The following NSMAF variants were observed in gnomAD, a reference collection of about 807,000 sequenced individuals.
NSMAF encodes protein FAN.
In NSMAF, 90 loss-of-function variants were observed where a neutral mutation model predicts 134.9. The ratio of observed to expected loss-of-function variants is 0.67; its 90% confidence interval spans 0.56 to 0.79. NSMAF has a LOEUF of 0.79. NSMAF is among the 30% of genes least tolerant of loss of function. NSMAF has a pLI of 0.00. For synonymous variants in NSMAF, 358 were observed against 389.6 expected, an observed-to-expected ratio of 0.92 and a Z score of 0.96; for missense variants, 1,010 against 1,119.0, an observed-to-expected ratio of 0.90 and a Z score of 1.39.
At chr8:58,658,091 T>TCATACAA (rs1807761932) in intron 1 of NSMAF, among the ~76,000 whole-genome samples, 7 of 152,206 alleles carry the variant, frequency 4.6e-5, no homozygotes, top group African/African-American at 1.7e-4. Context: ...ATGACTCATA[T>TCATACAA]CATACAACAT....
chr8:58,650,266 G>A (rs1269747768), intron 1 of NSMAF, among the ~76,000 whole-genome samples: 1 of 152,086 alleles, frequency 6.6e-6, no homozygotes, highest in Non-Finnish European at 1.5e-5. Context: ...GGGCAACTTT[G>A]GAAGTTTTTT....
intron 9 of NSMAF, among the ~76,000 whole-genome samples, chr8:58,618,876 G>T (rs571216894): frequency 2.8e-4 from 42 of 152,200 alleles, no homozygotes; most frequent in African/African-American, 8.9e-4. Flanking sequence ...TCTAGAGAAA[G>T]TATACAACAC....
chr8:58,644,568 G>A (rs1256588808), intron 1 of NSMAF, among the ~76,000 whole-genome samples: 1 of 152,200 alleles, frequency 6.6e-6, no homozygotes, highest in Admixed American at 6.5e-5. Flanking sequence ...GATTCCTCAA[G>A]GATCTAGAAC....
intron 9 of NSMAF, among the ~76,000 whole-genome samples, chr8:58,617,861 T>A (rs1806697783): frequency 6.6e-6 from 1 of 152,182 alleles, no homozygotes. Context: ...CACATGCACA[T>A]GTACGTTTAT....
chr8:58,656,415 C>A (rs1807712388), intron 1 of NSMAF, among the ~76,000 whole-genome samples: 2 of 152,212 alleles, frequency 1.3e-5, no homozygotes, highest in South Asian at 4.1e-4. Context: ...CAATAAATGG[C>A]ACCACTTTAT....
At chr8:58,586,363 G>T in intron 28 of NSMAF, 95 bp downstream of exon 28, 1 of 1,256,398 alleles carries the variant, frequency 8.0e-7, no homozygotes, top group Non-Finnish European at 1.1e-6. Flanking sequence ...GTTTTTCTTT[G>T]TAAGTTTTAT....
chr8:58,647,684 G>A (rs182248578), intron 1 of NSMAF, among the ~76,000 whole-genome samples: 3 of 152,254 alleles, frequency 2.0e-5, no homozygotes, highest in Admixed American at 1.3e-4. Context: ...GGATACACCT[G>A]CTCCCACTCA....
chr8:58,639,993 A>G (rs1004226743), intron 2 of NSMAF: 1 of 438,940 alleles, frequency 2.3e-6, no homozygotes, highest in African/African-American at 2.0e-5. Flanking sequence ...GGGAAAGCTC[A>G]GAGCTTTGTT....
intron 5 of NSMAF, among the ~76,000 whole-genome samples, chr8:58,631,888 T>TAA (rs1807064805): frequency 6.6e-6 from 1 of 152,044 alleles, no homozygotes; most frequent in Non-Finnish European, 1.5e-5. Context: ...AAGAAACGGG[T>TAA]AAAACAAAGT....
chr8:58,637,907 C>T (rs2129146685), intron 2 of NSMAF, among the ~76,000 whole-genome samples: 1 of 152,254 alleles, frequency 6.6e-6, no homozygotes, highest in East Asian at 1.9e-4. Flanking sequence ...ATTAATACTG[C>T]TAAAATGTCC....
chr8:58,604,382 G>A (rs1585735961), intron 12 of NSMAF, among the ~76,000 whole-genome samples: 1 of 151,408 alleles, frequency 6.6e-6, no homozygotes, highest in African/African-American at 2.4e-5. Context: ...TTGTAATCTT[G>A]TTATAGTTAA....
intron 25 of NSMAF, 106 bp from the exon 26 acceptor site, chr8:58,589,681 C>G (rs1805979990): frequency 9.3e-7 from 1 of 1,075,838 alleles, no homozygotes; most frequent in African/African-American, 1.7e-5. Flanking sequence ...CTTACTAAGG[C>G]TCACTAGAAT....
chr8:58,617,982 T>G (rs1049504691), intron 9 of NSMAF, among the ~76,000 whole-genome samples: 2 of 152,098 alleles, frequency 1.3e-5, no homozygotes, highest in African/African-American at 4.8e-5. Flanking sequence ...TATGCAGCCA[T>G]AAAAAGGGAT....
chr8:58,589,257 TA>T (rs1805969089), intron 26 of NSMAF, among the ~76,000 whole-genome samples, 194 bp downstream of exon 26: 2 of 148,484 alleles, frequency 1.3e-5, no homozygotes, highest in African/African-American at 2.4e-5. Context: ...ATTTTATATG[TA>T]TTTTTTAAAC....
intron 10 of NSMAF, 73 bp downstream of exon 10, chr8:58,609,531 G>T (rs941039726): frequency 6.6e-7 from 1 of 1,515,744 alleles, no homozygotes. Context: ...TGAGGTCCCT[G>T]GCATTGTGAG....
intron 26 of NSMAF, chr8:58,588,756 C>G: frequency 7.6e-7 from 1 of 1,323,624 alleles, no homozygotes; most frequent in Non-Finnish European, 1.1e-6. Flanking sequence ...TCCTTCTTTT[C>G]TTTGTCATCT....
intron 9 of NSMAF, among the ~76,000 whole-genome samples, chr8:58,621,197 G>T (rs1440633480): frequency 6.6e-6 from 1 of 152,142 alleles, no homozygotes; most frequent in African/African-American, 2.4e-5. Flanking sequence ...AGAACATGCA[G>T]TGTTAGTTTT....
chr8:58,655,683 G>A (rs1451448610), intron 1 of NSMAF, among the ~76,000 whole-genome samples: 1 of 151,950 alleles, frequency 6.6e-6, no homozygotes, highest in African/African-American at 2.4e-5. Flanking sequence ...CGAGGCGGGC[G>A]GATCACGAGG....
At chr8:58,637,965 C>G (rs181528893) in intron 2 of NSMAF, among the ~76,000 whole-genome samples, 1 of 151,736 alleles carries the variant, frequency 6.6e-6, no homozygotes, top group Non-Finnish European at 1.5e-5. Flanking sequence ...CTATTAAAAT[C>G]CCAATGGCAT....
Sources: allele counts gnomAD v4.1 joint callset (sites outside exome capture counted in the v4.1 genomes callset), GRCh38; gene constraint gnomAD v4.1.1; transcripts MANE v1.5; gene names NCBI Gene and HGNC (gene_info 2026-07-23, HGNC 2026-07-21).